Variants in ACVR2A observed in about 807,000 individuals in gnomAD.
ACVR2A encodes the protein activin A receptor type 2A.
ACVR2A carries 7 observed loss-of-function variants against 61.4 expected under a neutral mutation model. That is an observed-to-expected ratio of 0.11 (90% confidence interval 0.06 to 0.21). ACVR2A has a LOEUF of 0.21. Ranked by LOEUF, ACVR2A falls within the 10% of genes least tolerant of loss-of-function variation. The pLI is 1.00. For synonymous variants in ACVR2A, 193 were observed against 208.3 expected (o/e 0.93, Z 0.63); for missense variants, 322 against 621.7 (o/e 0.52, Z 5.13).
rs1687222156 is a variant in ACVR2A at position 147,915,233 on chromosome 2, C to A, written c.571C>A (p.Pro191Thr). 1 of 1,612,178 alleles carries A rather than the reference C, an allele frequency of 6.2e-7. No homozygotes were observed. The highest frequency in any genetic ancestry group is 1.1e-5 in the South Asian group (1 of 91,046). Reference sequence around the variant, plus strand: ...ACCTTCTCCATTACTAGGTTTGAAACCACTGCAGTTATTAGAAGTGAAAGC... The same window carrying A: ...ACCTTCTCCATTACTAGGTTTGAAAACACTGCAGTTATTAGAAGTGAAAGC... ...PPPSPLLGLK[P>T]LQLLEVKARG... Residue 191 changes from proline to threonine, a missense_variant, in exon 5 of 11, where the codon CCA becomes ACA. This residue lies in a region of ACVR2A where 146 missense variants were observed against 383.8 expected (regional missense o/e 0.38). Coordinates refer to ENST00000241416, the MANE Select transcript of ACVR2A (RefSeq NM_001616.5).
chr2:147,924,685 G>A (rs191432025), intron 9 of ACVR2A, among the ~76,000 whole-genome samples: 220 of 151,938 alleles, frequency 1.4e-3, no homozygotes, highest in Non-Finnish European at 2.5e-3. Flanking sequence ...GCTAAAGTAG[G>A]TGCTTTCACG....
chr2:147,894,347 A>T (rs1418429882), intron 1 of ACVR2A, among the ~76,000 whole-genome samples: 1 of 152,060 alleles, frequency 6.6e-6, no homozygotes, highest in Non-Finnish European at 1.5e-5. Context: ...TGGGTATTCC[A>T]GTTTCCTTGT....
chr2:147,864,343 C>A (rs555125559), intron 1 of ACVR2A, among the ~76,000 whole-genome samples: 4 of 152,240 alleles, frequency 2.6e-5, no homozygotes, highest in African/African-American at 9.6e-5. Flanking sequence ...AATTCTCCTG[C>A]CTCAGCCTCC....
intron 1 of ACVR2A, among the ~76,000 whole-genome samples, chr2:147,893,462 A>G (rs1358452762): frequency 7.7e-6 from 1 of 129,856 alleles, no homozygotes. Context: ...GCTGTTTTCC[A>G]AAGTGACTGG....
rs201349257 is a variant in ACVR2A at position 147,918,602 on chromosome 2, A to G, written c.962+10A>G. 1.9e-6 allele frequency: 3 copies of G among 1,590,290 alleles called. No individual in the cohort carries two copies. The highest frequency in any genetic ancestry group is 1.8e-5 in the Admixed American group (1 of 54,750). On this transcript the variant is annotated intron_variant, in intron 7 of 10. Transcript: ENST00000241416. ...CTGCCATATCTCACAGGTAGACTAA[A>G]TTTATATTGTTTTCCCAGATAATTG...
chr2:147,848,455 G>A (rs1484737881), intron 1 of ACVR2A, among the ~76,000 whole-genome samples: 1 of 152,124 alleles, frequency 6.6e-6, no homozygotes, highest in African/African-American at 2.4e-5. Context: ...GTTGGGTAGA[G>A]GGCAGGGATG....
rs888440012 is a variant in ACVR2A, at chr2:147,870,572, C to T, written c.55+25365C>T. ...TTGGAGATCTATGCATTAACCCTTACGTCTTCAGGCTTGGTAACCTGTAAA... is the reference window on the plus strand; with the variant it reads ...TTGGAGATCTATGCATTAACCCTTATGTCTTCAGGCTTGGTAACCTGTAAA... On this transcript the variant is annotated intron_variant, in intron 1 of 10. Coordinates refer to ENST00000241416, the MANE Select transcript of ACVR2A (RefSeq NM_001616.5). Among the ~76,000 whole-genome samples, 6 of 152,144 alleles carry T rather than the reference C, an allele frequency of 3.9e-5. No individual in the cohort carries two copies. The East Asian group carries it at 5.8e-4, about 15-fold the overall frequency.
At chr2:147,867,783 C>T (rs755798572) in intron 1 of ACVR2A, among the ~76,000 whole-genome samples, 10 of 152,142 alleles carry the variant, frequency 6.6e-5, no homozygotes, top group East Asian at 1.9e-4. Flanking sequence ...TAACAATACA[C>T]GCAGTACCCC....
Position 147,925,457 on chromosome 2 carries a change from C to A in ACVR2A, c.1217-574C>A, listed in dbSNP as rs569164922. Among the ~76,000 whole-genome samples, 56 of 151,760 alleles carry A rather than the reference C, an allele frequency of 3.7e-4. 1 individual carries two copies. The East Asian group carries it at 6.4e-3, about 17-fold the overall frequency. ...AAGGCACATCCTGACTTGTTGGGACCCCTAGTTGGAGAGCCTGTTTGTGAT... is the reference window on the plus strand; with the variant it reads ...AAGGCACATCCTGACTTGTTGGGACACCTAGTTGGAGAGCCTGTTTGTGAT... On this transcript the variant is annotated intron_variant, in intron 9 of 10. Coordinates refer to ENST00000241416, the MANE Select transcript of ACVR2A (RefSeq NM_001616.5).
At chr2:147,878,454 T>C (rs1306431698) in intron 1 of ACVR2A, among the ~76,000 whole-genome samples, 1 of 152,018 alleles carries the variant, frequency 6.6e-6, no homozygotes, top group Non-Finnish European at 1.5e-5. Context: ...CTTTTTTTTT[T>C]TTATTAAGAA....
chr2:147,922,469 C>T (rs1391953059), intron 8 of ACVR2A, among the ~76,000 whole-genome samples: 1 of 151,928 alleles, frequency 6.6e-6, no homozygotes, highest in East Asian at 1.9e-4. Flanking sequence ...CTAAGAAATA[C>T]CAAATTGTTG....
At chr2:147,915,795 T>C (rs1206634126) in intron 5 of ACVR2A, among the ~76,000 whole-genome samples, 1 of 152,000 alleles carries the variant, frequency 6.6e-6, no homozygotes, top group Non-Finnish European at 1.5e-5. Context: ...TTTTGTTTGA[T>C]GCATTTTCAG....
rs531493998 is a variant in ACVR2A at position 147,878,937 on chromosome 2, A to G, written c.56-17364A>G. 3.9e-5 allele frequency among the ~76,000 whole-genome samples: 6 copies of G among 152,184 alleles called. No homozygotes were observed. In the South Asian group the frequency reaches 1.2e-3, roughly 32 times the overall value. ...AAAAAAAATCTTTTTTTGGAGGAAAAGGTAATGGTTATAGAAAAATCATAT... is the reference window on the plus strand; with the variant it reads ...AAAAAAAATCTTTTTTTGGAGGAAAGGGTAATGGTTATAGAAAAATCATAT... On this transcript the variant is annotated intron_variant, in intron 1 of 10. Coordinates refer to ENST00000241416, the MANE Select transcript of ACVR2A (RefSeq NM_001616.5).
chr2:147,874,877 T>G (rs1686116137), intron 1 of ACVR2A, among the ~76,000 whole-genome samples: 1 of 151,996 alleles, frequency 6.6e-6, no homozygotes. Flanking sequence ...TATTTGAAGT[T>G]TAGACTCCTG....
intron 7 of ACVR2A, among the ~76,000 whole-genome samples, chr2:147,919,709 G>T (rs1687334059): frequency 6.6e-6 from 1 of 152,044 alleles, no homozygotes; most frequent in Non-Finnish European, 1.5e-5. Context: ...TATGTTTATG[G>T]TAAAAAGTTT....
intron 1 of ACVR2A, among the ~76,000 whole-genome samples, chr2:147,892,107 G>T (rs1317221319): frequency 6.6e-6 from 1 of 152,024 alleles, no homozygotes; most frequent in Non-Finnish European, 1.5e-5. Context: ...GAGTAGCTGG[G>T]ATTACAGGTG....
At chr2:147,857,687 G>A (rs186838920) in intron 1 of ACVR2A, among the ~76,000 whole-genome samples, 1 of 152,176 alleles carries the variant, frequency 6.6e-6, no homozygotes, top group African/African-American at 2.4e-5. Flanking sequence ...GTCTACCACA[G>A]TATGGAATAT....
At chr2:147,892,002 CTT>C (rs1374287743) in intron 1 of ACVR2A, among the ~76,000 whole-genome samples, 1 of 151,808 alleles carries the variant, frequency 6.6e-6, no homozygotes, top group African/African-American at 2.4e-5. Flanking sequence ...GACAGAGTCT[CTT>C]TCTGTTGCCC....
rs758748239 is a variant in ACVR2A, at chr2:147,920,352, T to C, written c.1077+8T>C. 1.9e-6 allele frequency: 3 copies of C among 1,586,650 alleles called. No homozygotes were observed. The highest frequency in any genetic ancestry group is 1.7e-6 in the Non-Finnish European group (2 of 1,160,926). On this transcript the variant is annotated splice_region_variant and intron_variant, in intron 8 of 10. Coordinates refer to ENST00000241416, the MANE Select transcript of ACVR2A (RefSeq NM_001616.5). The stretch of plus-strand genomic sequence containing the variant: ...GGCGATACCCATGGACAGGTAAGGA[T>C]GATGATTATAAAATGTAAGAAAAAA...
Sources: allele counts gnomAD v4.1 joint callset (sites outside exome capture counted in the v4.1 genomes callset), GRCh38; gene constraint gnomAD v4.1.1; regional missense constraint gnomAD v4.1.1; transcripts MANE v1.5; gene names NCBI Gene and HGNC (gene_info 2026-07-23, HGNC 2026-07-21).